OTUD7A: variants seen among roughly 807,000 people sequenced by gnomAD.
The protein encoded by OTUD7A is OTU deubiquitinase 7A, also known as OTU domain-containing protein 7A.
A neutral mutation model predicts 65.7 loss-of-function variants in OTUD7A; 12 were observed. The observed-to-expected ratio is 0.18, with a 90% CI of 0.12 to 0.30. OTUD7A has a LOEUF of 0.30. Among genes scored for constraint, OTUD7A ranks in the 10% least tolerant of loss-of-function variants. The pLI is 1.00. For synonymous variants in OTUD7A, 641 were observed against 586.3 expected (o/e 1.09, Z -1.35); for missense variants, 1,148 against 1,304.8 (o/e 0.88, Z 1.85).
chr15:31,606,459 A>C (rs1447042027), intron 3 of OTUD7A, among the ~76,000 whole-genome samples: 1 of 152,236 alleles, frequency 6.6e-6, no homozygotes, highest in Admixed American at 6.5e-5. Context: ...ATTAGTCAGA[A>C]ATGGATGAAT....
intron 1 of OTUD7A, among the ~76,000 whole-genome samples, chr15:31,797,201 T>C (rs1595776005): frequency 1.3e-5 from 2 of 152,302 alleles, no homozygotes; most frequent in East Asian, 3.9e-4. Context: ...GCGCTGCCTC[T>C]GAGACGTGAT....
At chr15:31,638,343 A>T (rs1263240808) in intron 3 of OTUD7A, among the ~76,000 whole-genome samples, 3 of 151,932 alleles carry the variant, frequency 2.0e-5, no homozygotes, top group African/African-American at 7.3e-5. Flanking sequence ...AATGCTATTG[A>T]ACACTTAGTA....
At chr15:31,639,128 A>T (rs59597551) in intron 3 of OTUD7A, among the ~76,000 whole-genome samples, 26,984 of 151,752 alleles carry the variant, frequency 0.18, 2,604 homozygotes, top group East Asian at 0.25. Context: ...AAAAAAAAAG[A>T]TTCCTCAGCT....
At chr15:31,596,324 C>T (rs1889902518) in intron 3 of OTUD7A, among the ~76,000 whole-genome samples, 1 of 152,206 alleles carries the variant, frequency 6.6e-6, no homozygotes, top group Non-Finnish European at 1.5e-5. Flanking sequence ...TAGTTCACTG[C>T]TTTTAACCAT....
chr15:31,587,824 T>C (rs572872756), intron 3 of OTUD7A, among the ~76,000 whole-genome samples: 1 of 152,106 alleles, frequency 6.6e-6, no homozygotes, highest in East Asian at 2.0e-4. Context: ...CACTCTGACC[T>C]GGGCCAGGGC....
intron 1 of OTUD7A, among the ~76,000 whole-genome samples, chr15:31,793,103 C>G (rs189771972): frequency 6.6e-6 from 1 of 152,192 alleles, no homozygotes; most frequent in Non-Finnish European, 1.5e-5. Flanking sequence ...GGAGACTGTG[C>G]GGCTGTGCTT....
chr15:31,640,688 T>C (rs546216860), intron 3 of OTUD7A, among the ~76,000 whole-genome samples: 10 of 148,422 alleles, frequency 6.7e-5, no homozygotes, highest in Admixed American at 2.7e-4. Flanking sequence ...ATTTGTTTCA[T>C]TGATCTAATT....
At chr15:31,827,050 G>A (rs1896814308) in intron 1 of OTUD7A, among the ~76,000 whole-genome samples, 1 of 152,160 alleles carries the variant, frequency 6.6e-6, no homozygotes, top group South Asian at 2.1e-4. Flanking sequence ...CCTCCAAACT[G>A]TTCCAACCCC....
At chr15:31,861,556 T>A (rs1256541620) in intron 1 of OTUD7A, among the ~76,000 whole-genome samples, 1 of 152,134 alleles carries the variant, frequency 6.6e-6, no homozygotes, top group Non-Finnish European at 1.5e-5. Context: ...TGGAGGGATG[T>A]CCCAACTGGT....
chr15:31,736,354 T>C (rs975323239), intron 1 of OTUD7A, among the ~76,000 whole-genome samples: 11 of 152,180 alleles, frequency 7.2e-5, no homozygotes, highest in Non-Finnish European at 1.5e-4. Context: ...GGGTGATGGG[T>C]ACATGGGACT....
At chr15:31,801,094 A>T (rs1229958423) in intron 1 of OTUD7A, among the ~76,000 whole-genome samples, 1 of 151,728 alleles carries the variant, frequency 6.6e-6, no homozygotes, top group Non-Finnish European at 1.5e-5. Flanking sequence ...GTTTCCACAG[A>T]TCATTCTGGA....
At chr15:31,677,244 G>T (rs1026123514) in intron 1 of OTUD7A, among the ~76,000 whole-genome samples, 1 of 152,222 alleles carries the variant, frequency 6.6e-6, no homozygotes, top group African/African-American at 2.4e-5. Context: ...TGGGAGAAAT[G>T]TGGGTCCCTA....
In OTUD7A at chr15:31,756,367, A is replaced by C. The variant is rs914653562; in HGVS notation, c.-99-99290T>G. 2.6e-5 allele frequency among the ~76,000 whole-genome samples: 4 copies of C among 152,192 alleles called. 1 individual carries two copies. The highest frequency in any genetic ancestry group is 9.7e-5 in the African/African-American group (4 of 41,444). On this transcript the variant is annotated intron_variant, in intron 1 of 12. Transcript: ENST00000307050. Reference sequence around the variant, plus strand: ...TGAGAATAATGTAGACATTAAAGAAAACCTTTTTGTTTCTCCTCTCAAGGT... The same window carrying C: ...TGAGAATAATGTAGACATTAAAGAACACCTTTTTGTTTCTCCTCTCAAGGT...
intron 8 of OTUD7A, among the ~76,000 whole-genome samples, chr15:31,509,383 A>T (rs1017950807): frequency 6.6e-6 from 1 of 151,922 alleles, no homozygotes; most frequent in African/African-American, 2.4e-5. Flanking sequence ...GGTTCACGCC[A>T]TTCTTTTGCC....
At chr15:31,569,287 C>A (rs1312677701) in intron 4 of OTUD7A, among the ~76,000 whole-genome samples, 4 of 152,136 alleles carry the variant, frequency 2.6e-5, no homozygotes, top group South Asian at 2.1e-4. Context: ...ATAATAACAA[C>A]GACAAAAACC....
Position 31,503,878 on chromosome 15 carries a change from G to A in OTUD7A, c.894-60C>T, listed in dbSNP as rs947112400. On this transcript the variant is annotated intron_variant, in intron 8 of 12. Coordinates refer to ENST00000307050, the MANE Select transcript of OTUD7A (RefSeq NM_001382637.1). ...TAAAACAGGGTGGAGGATGGAGAAAGTGGGGACTGCTTCATGCAGGGGCTG... is the reference window on the plus strand; with the variant it reads ...TAAAACAGGGTGGAGGATGGAGAAAATGGGGACTGCTTCATGCAGGGGCTG... The A allele has an allele frequency of 4.4e-6, 7 of 1,598,204 alleles. No individual in the cohort carries two copies. The Admixed American group carries it at 1.2e-4, about 27-fold the overall frequency.
chr15:31,702,518 C>T (rs1176244072), intron 1 of OTUD7A, among the ~76,000 whole-genome samples: 1 of 150,968 alleles, frequency 6.6e-6, no homozygotes, highest in Non-Finnish European at 1.5e-5. Context: ...TATAATCATT[C>T]AATAAAAATA....
intron 3 of OTUD7A, among the ~76,000 whole-genome samples, chr15:31,599,521 T>C (rs12899263): frequency 0.31 from 47,865 of 151,960 alleles, 9,563 homozygotes; most frequent in African/African-American, 0.57. Context: ...GATAAATCCA[T>C]GAAGATGGGG....
intron 1 of OTUD7A, among the ~76,000 whole-genome samples, chr15:31,677,309 G>T (rs1246818601): frequency 6.6e-6 from 1 of 152,130 alleles, no homozygotes; most frequent in African/African-American, 2.4e-5. Flanking sequence ...AAGCTGCCTT[G>T]TGTTAAAGTG....
Sources: gnomAD v4.1 joint callset for allele counts (sites outside exome capture counted in the v4.1 genomes callset) on GRCh38, gnomAD v4.1.1 for gene constraint, MANE v1.5 for transcripts, NCBI Gene and HGNC (gene_info 2026-07-23, HGNC 2026-07-21) for gene names.